RER1: variants seen among roughly 807,000 people sequenced by gnomAD.
The protein encoded by RER1 is protein RER1.
In RER1, 6 loss-of-function variants were observed where a neutral mutation model predicts 28.3. That is an observed-to-expected ratio of 0.21 (90% CI 0.12 to 0.42). The LOEUF is 0.42. Among genes scored for constraint, RER1 ranks in the 10% least tolerant of loss-of-function variants. The probability of loss-of-function intolerance (pLI) is 1.00; values close to 1 mark genes in which losing one functional copy is unlikely to be tolerated. For synonymous variants in RER1, 110 were observed against 95.9 expected, an observed-to-expected ratio of 1.15 and a Z score of -0.86; for missense variants, 159 against 252.9, an observed-to-expected ratio of 0.63 and a Z score of 2.52.
chr1:2,402,049 A>G (rs1459464880), intron 5 of RER1, 158 bp from the exon 6 acceptor site: 2 of 1,564,160 alleles, frequency 1.3e-6, no homozygotes, highest in East Asian at 2.4e-5. Flanking sequence ...GCTACATGCA[A>G]AGGGTCCTGC....
At chr1:2,403,013 G>C (rs1642895768) in intron 6 of RER1, 22 bp from the exon 7 acceptor site, 4 of 1,600,370 alleles carry the variant, frequency 2.5e-6, no homozygotes, top group Non-Finnish European at 3.4e-6. Flanking sequence ...TGCAGTAACT[G>C]AGTCTGTGTT....
Position 2,399,487 on chromosome 1 carries a change from G to A in RER1, c.259G>A (p.Val87Met), listed in dbSNP as rs747910639. ...NLFIAFLSPK[V>M]DPSLMEDSDD... ...TTTCATAGCTTTTCTTTCTCCCAAA[G>A]TGGATCCTTCCTTAATGGAAGACTC... Residue 87 changes from valine (V) to methionine (M), a missense_variant, in exon 4 of 7, where the codon GTG becomes ATG. Physicochemically the swap from Val to Met is conservative, Grantham distance 21. Transcript: ENST00000605895. 1 of 1,612,240 alleles carries A rather than the reference G, an allele frequency of 6.2e-7. No individual in the cohort carries two copies. Among genetic ancestry groups the A allele is most frequent in the South Asian group, 1.1e-5 (1 of 91,030 alleles).
intron 1 of RER1, among the ~76,000 whole-genome samples, chr1:2,393,564 C>T (rs1291319492): frequency 6.6e-6 from 1 of 152,108 alleles, no homozygotes; most frequent in African/African-American, 2.4e-5. Context: ...CAAGGGTGCT[C>T]CACGGGCTGC....
intron 5 of RER1, 176 bp from the exon 6 acceptor site, chr1:2,402,031 G>C: frequency 1.0e-5 from 16 of 1,546,076 alleles, no homozygotes; most frequent in Non-Finnish European, 1.4e-5. Flanking sequence ...GGCAGTACAT[G>C]TCTGTGAGCT....
chr1:2,393,685 C>T lies in RER1; in HGVS notation c.-8+1727C>T, dbSNP rs115611466. Among the ~76,000 whole-genome samples, 495 of 152,318 alleles carry T rather than the reference C, an allele frequency of 3.2e-3. 3 individuals are homozygous for T. The highest frequency in any genetic ancestry group is 5.5e-3 in the Non-Finnish European group (374 of 68,026). On this transcript the variant is annotated intron_variant, in intron 1 of 6. Transcript: ENST00000605895. ...GAATAGCCTGTCCTAGTCACACTGG[C>T]AGAGAGTGGTAGAGCCAGGATCTGA...
At chr1:2,400,189 C>T (rs776283910) in intron 4 of RER1, among the ~76,000 whole-genome samples, 10 of 152,242 alleles carry the variant, frequency 6.6e-5, no homozygotes, top group Non-Finnish European at 1.5e-4. Flanking sequence ...CACGCAGCTC[C>T]CTGCCAGGAC....
intron 2 of RER1, chr1:2,396,208 C>T (rs1394377056): frequency 9.7e-6 from 3 of 310,060 alleles, no homozygotes; most frequent in South Asian, 6.5e-5. Flanking sequence ...CAGCCACCCA[C>T]GTCCCCGGTG....
Position 2,403,022 on chromosome 1 carries a change from T to C in RER1, c.502-13T>C, listed in dbSNP as rs1041627723. The C allele has an allele frequency of 2.9e-5, 46 of 1,609,072 alleles. No individual in the cohort carries two copies. Among genetic ancestry groups the C allele is most frequent in the Non-Finnish European group, 3.9e-5 (46 of 1,176,468 alleles). On this transcript the variant is annotated splice_polypyrimidine_tract_variant and intron_variant, in intron 6 of 6. Transcript: ENST00000605895. ...CGGTTGTGCAGTAACTGAGTCTGTG[T>C]TTCTCTCCCCAGCACATGATTAAGT...
At chr1:2,400,756 A>G in intron 4 of RER1, 101 bp from the exon 5 acceptor site, 1 of 960,634 alleles carries the variant, frequency 1.0e-6, no homozygotes, top group Non-Finnish European at 1.7e-6. Context: ...ATCTCGGTTT[A>G]GATTTGTGAG....
chr1:2,403,129 G>A lies in RER1; in HGVS notation c.*5G>A, dbSNP rs377584177. The A allele has an allele frequency of 3.5e-4, 561 of 1,611,792 alleles. 1 individual carries two copies. The highest frequency in any genetic ancestry group is 2.3e-3 in the Middle Eastern group (14 of 6,054). ...GGCAAGGCCTTCGCCAGCTAGAAGC[G>A]GGACTGAGGCTGCCTCACGTGTTGC... On this transcript the variant is annotated 3_prime_UTR_variant, in exon 7 of 7. Transcript: ENST00000605895.
In RER1 at chr1:2,403,674, T is replaced by C. The variant is rs1557905640; in HGVS notation, c.*550T>C. The C allele has an allele frequency of 6.5e-6, 1 of 152,962 alleles. No homozygotes were observed. The highest frequency in any genetic ancestry group is 1.5e-5 in the Non-Finnish European group (1 of 68,260). 9.5% of individuals were successfully genotyped at this position (152,962 alleles called of 1,614,324 possible). On this transcript the variant is annotated 3_prime_UTR_variant, in exon 7 of 7. Transcript: ENST00000605895. The stretch of plus-strand genomic sequence containing the variant: ...AGATGTTTAAAGTTGGCCTCTATCC[T>C]AATGACTCAAAACTTGGTTCTTAAC...
rs1642896250 is a variant in RER1 at position 2,403,029 on chromosome 1, C to T, written c.502-6C>T. 4 of 1,611,754 alleles carry T rather than the reference C, an allele frequency of 2.5e-6. No homozygotes were observed. The highest frequency in any genetic ancestry group is 1.3e-5 in the African/African-American group (1 of 74,956). On this transcript the variant is annotated splice_polypyrimidine_tract_variant and splice_region_variant and intron_variant, in intron 6 of 6. Transcript: ENST00000605895. ...GCAGTAACTGAGTCTGTGTTTCTCT[C>T]CCCAGCACATGATTAAGTACCGGTA...
intron 1 of RER1, chr1:2,393,349 C>G (rs964984657): frequency 6.6e-6 from 1 of 152,152 alleles, no homozygotes; most frequent in African/African-American, 2.4e-5. Flanking sequence ...AGAAGTAAAC[C>G]AGAAAGGTAT....
intron 3 of RER1, among the ~76,000 whole-genome samples, chr1:2,398,975 T>C (rs1490466156): frequency 6.6e-6 from 1 of 152,214 alleles, no homozygotes; most frequent in Non-Finnish European, 1.5e-5. Flanking sequence ...CCAGTCACAG[T>C]TGAGAGTCTG....
At position 2,395,810 on chromosome 1, in the gene RER1, T is replaced by C. The variant is rs1642760269; in HGVS notation, c.20T>C (p.Val7Ala). 6.2e-7 allele frequency: 1 copy of C among 1,613,764 alleles called. No homozygotes were observed. Among genetic ancestry groups the C allele is most frequent in the Non-Finnish European group, 8.5e-7 (1 of 1,179,722 alleles). Residue 7 changes from valine to alanine, a missense_variant, in exon 2 of 7, where the codon GTG becomes GCG. Coordinates refer to ENST00000605895, the MANE Select transcript of RER1 (RefSeq NM_007033.5). MSEGDS[V>A]GESVHGKPSV... ...TACAGAATGTCTGAAGGGGACAGTG[T>C]GGGAGAATCCGTCCATGGGAAACCT...
rs183485929 is a variant in RER1, at chr1:2,395,922, A to C, written c.81+51A>C. 1.8e-5 allele frequency: 25 copies of C among 1,365,950 alleles called. No homozygotes were observed. The East Asian group carries it at 5.3e-4, about 29-fold the overall frequency. 84.6% of individuals were successfully genotyped at this position (1,365,950 alleles called of 1,614,324 possible). A position where few individuals can be genotyped will look rare whatever the true frequency, so the allele number is the denominator to read the frequency against. On this transcript the variant is annotated intron_variant, in intron 2 of 6. Transcript: ENST00000605895. ...TATAAATATTTGAAAAAGAAACGGG[A>C]CTCCCAGCATTTTCGGGAAGGATCT... is the stretch of plus-strand genomic sequence containing the variant.
rs1642920148 is a variant in RER1, at chr1:2,404,138, TCTC to T, written c.*1020_*1022del. The T allele has an allele frequency of 6.6e-6, 1 of 152,070 alleles. No individual in the cohort carries two copies. The highest frequency in any genetic ancestry group is 2.1e-4 in the South Asian group (1 of 4,830). The allele number at this position is 152,070 out of a possible 1,614,324, so 9.4% of individuals were successfully genotyped here. ...AGACACTGACATGCGAGTGAAGGCC[TCTC>T]CTCCTGGGCCCCGGGCTGCGCAGGC... On this transcript the variant is annotated 3_prime_UTR_variant, in exon 7 of 7. Transcript: ENST00000605895.
rs1487088199 is a variant in RER1 at position 2,396,287 on chromosome 1, G to C, written c.81+416G>C. 1.4e-5 allele frequency: 3 copies of C among 207,156 alleles called. No homozygotes were observed. The East Asian group carries it at 3.4e-4, about 23-fold the overall frequency. The allele number at this position is 207,156 out of a possible 1,614,324, so 12.8% of individuals were successfully genotyped here. A position where few individuals can be genotyped will look rare whatever the true frequency, so the allele number is the denominator to read the frequency against. ...TTGAGGGTGAGAGGCTCTTGTGTGG[G>C]CTGCGTGTGCATTGCTTGGTGAGTG... On this transcript the variant is annotated intron_variant, in intron 2 of 6. Transcript: ENST00000605895.
At chr1:2,392,543 A>G (rs1280865639) in intron 1 of RER1, among the ~76,000 whole-genome samples, 1 of 152,214 alleles carries the variant, frequency 6.6e-6, no homozygotes, top group East Asian at 1.9e-4. Flanking sequence ...TGATAAAGGT[A>G]TCGTTCGTTT....
Sources: allele counts gnomAD v4.1 joint callset (sites outside exome capture counted in the v4.1 genomes callset), GRCh38; gene constraint gnomAD v4.1.1; transcripts MANE v1.5; gene names NCBI Gene and HGNC (gene_info 2026-07-23, HGNC 2026-07-21).